The following RGS8 variants were observed in gnomAD, a reference collection of about 807,000 sequenced individuals.
RGS8 encodes the protein regulator of G-protein signaling 8.
Under a neutral mutation model 21.7 loss-of-function variants are expected in RGS8, and 8 were observed. That is an observed-to-expected ratio of 0.37 (90% CI 0.22 to 0.66). The LOEUF (loss-of-function observed/expected upper bound fraction) is 0.66. Ranked by LOEUF, RGS8 falls within the 30% of genes least tolerant of loss-of-function variation. RGS8 has a pLI of 0.59. For missense variants in RGS8, 157 were observed against 217.9 expected (o/e 0.72, Z 1.76); for synonymous variants, 80 against 83.6 (o/e 0.96, Z 0.24).
the RGS8 span, among the ~76,000 whole-genome samples, chr1:182,700,684 C>G: frequency 5.9e-5 from 9 of 152,320 alleles, no homozygotes; most frequent in South Asian, 1.0e-3. Context: ...CTACTAAGTA[C>G]ACAAAACCGA....
At chr1:182,723,836 T>C in the RGS8 span, among the ~76,000 whole-genome samples, 1 of 152,168 alleles carries the variant, frequency 6.6e-6, no homozygotes, top group African/African-American at 2.4e-5. Context: ...CAGTGATGAC[T>C]CTAATTTTAA....
chr1:182,750,296 A>G, the RGS8 span, among the ~76,000 whole-genome samples: 2 of 152,286 alleles, frequency 1.3e-5, no homozygotes, highest in African/African-American at 2.4e-5. Context: ...TCCCATGTCC[A>G]CATTTTTTAG....
chr1:182,660,980 G>A lies in RGS8; in HGVS notation c.193+4989C>T, dbSNP rs541824053. ...TGGAGAGGGATGTGGGGAGGGCTGC[G>A]CAGTGAATGGAAGCCTGACTGTTCA... On this transcript the variant is annotated intron_variant, in intron 5 of 6. Transcript: ENST00000483095. Among the ~76,000 whole-genome samples the A allele has an allele frequency of 4.3e-4, 65 of 151,926 alleles. No individual in the cohort carries two copies. In the East Asian group the frequency reaches 8.8e-3, roughly 20 times the overall value.
At chr1:182,675,541 C>T, upstream of RGS8, among the ~76,000 whole-genome samples, 1 of 152,202 alleles carries the variant, frequency 6.6e-6, no homozygotes, top group Non-Finnish European at 1.5e-5. Context: ...CATTGCACCT[C>T]CTTGTCCTGC....
chr1:182,734,312 T>C, the RGS8 span: 1 of 152,190 alleles, frequency 6.6e-6, no homozygotes, highest in South Asian at 2.1e-4. Context: ...CGGGTTTTAA[T>C]TGACTGGAAG....
intron 5 of RGS8, among the ~76,000 whole-genome samples, chr1:182,654,046 C>A (rs1038751166): frequency 6.6e-6 from 1 of 152,164 alleles, no homozygotes; most frequent in Non-Finnish European, 1.5e-5. Context: ...CAGGACTTTA[C>A]AAAACATTAG....
intron 4 of RGS8, 39 bp downstream of exon 5, chr1:182,666,833 T>C (rs1322092823): frequency 3.4e-6 from 5 of 1,462,598 alleles, no homozygotes; most frequent in South Asian, 1.1e-5. Flanking sequence ...TATGACTTGC[T>C]GTATTACCCA....
At chr1:182,691,273 C>T in the RGS8 span, among the ~76,000 whole-genome samples, 1 of 152,050 alleles carries the variant, frequency 6.6e-6, no homozygotes, top group Non-Finnish European at 1.5e-5. Flanking sequence ...ATGGAGTAGC[C>T]CAAATTTTAG....
upstream of RGS8, among the ~76,000 whole-genome samples, chr1:182,685,629 C>G (rs1197711784): frequency 6.6e-6 from 1 of 152,110 alleles, no homozygotes; most frequent in African/African-American, 2.4e-5. Context: ...GAACAGGAGG[C>G]AGAGGGAGGG....
chr1:182,644,573 G>C (rs1662621880), downstream of RGS8: 2 of 152,104 alleles, frequency 1.3e-5, no homozygotes, highest in Admixed American at 6.5e-5. Flanking sequence ...TCTCTATGAG[G>C]CCATCGCACG....
the RGS8 span, among the ~76,000 whole-genome samples, chr1:182,705,387 G>A: frequency 2.0e-5 from 3 of 152,172 alleles, no homozygotes; most frequent in Admixed American, 2.0e-4. Context: ...CCACCAACAT[G>A]GGAGAGAGAA....
chr1:182,725,866 G>A, the RGS8 span, among the ~76,000 whole-genome samples: 1 of 152,112 alleles, frequency 6.6e-6, no homozygotes, highest in Non-Finnish European at 1.5e-5. Context: ...AATAAACAAA[G>A]CATCACCCCA....
chr1:182,732,244 C>T, the RGS8 span, among the ~76,000 whole-genome samples: 1 of 148,924 alleles, frequency 6.7e-6, no homozygotes, highest in African/African-American at 2.5e-5. Context: ...CTCTCTCTCT[C>T]ATTCCCTCTG....
chr1:182,643,501 C>T (rs769503519), downstream of RGS8: 1 of 151,946 alleles, frequency 6.6e-6, no homozygotes, highest in East Asian at 1.9e-4. Flanking sequence ...TTAAAAACTC[C>T]CTAGGTGATT....
chr1:182,657,131 A>C (rs1042157680), intron 5 of RGS8, among the ~76,000 whole-genome samples: 2 of 143,144 alleles, frequency 1.4e-5, no homozygotes, highest in African/African-American at 5.2e-5. Context: ...GTGACCAAGC[A>C]AACAAATCCA....
chr1:182,747,041 G>GTTTTTTTTTTTTTT, the RGS8 span, among the ~76,000 whole-genome samples: 2 of 26,240 alleles, frequency 7.6e-5, no homozygotes, highest in African/African-American at 8.2e-5. Context: ...AACACTGCTG[G>GTTTTTTTTTTTTTT]TCTTTTTTTT....
chr1:182,668,010 G>A (rs1663957979), intron 3 of RGS8, among the ~76,000 whole-genome samples: 1 of 152,080 alleles, frequency 6.6e-6, no homozygotes, highest in Admixed American at 6.5e-5. Context: ...ATCGGAGGTT[G>A]ACAAACTATA....
chr1:182,644,269 T>C (rs1330936509), downstream of RGS8: 1 of 152,220 alleles, frequency 6.6e-6, no homozygotes, highest in Non-Finnish European at 1.5e-5. Context: ...GCATACAAGG[T>C]ATGAGGAAAG....
chr1:182,730,594 C>G, the RGS8 span, among the ~76,000 whole-genome samples: 1 of 151,858 alleles, frequency 6.6e-6, no homozygotes, highest in Non-Finnish European at 1.5e-5. Context: ...CCTGTAATCC[C>G]AACTACTTGG....
Sources: allele counts gnomAD v4.1 joint callset (sites outside exome capture counted in the v4.1 genomes callset), GRCh38; gene constraint gnomAD v4.1.1; transcripts MANE v1.5; gene names NCBI Gene and HGNC (gene_info 2026-07-23, HGNC 2026-07-21).